The following TMEM177 variants were observed in gnomAD, a reference collection of about 807,000 sequenced individuals.
TMEM177 encodes the protein transmembrane protein 177.
Under a neutral mutation model 14.2 loss-of-function variants are expected in TMEM177, and 4 were observed. The observed-to-expected ratio is 0.28, with a 90% CI of 0.14 to 0.64. The LOEUF is 0.64. TMEM177 is among the 30% of genes least tolerant of loss of function. The pLI is 0.82. For missense variants in TMEM177, 344 were observed against 405.2 expected (o/e 0.85, Z 1.30); for synonymous variants, 179 against 174.5 (o/e 1.03, Z -0.20).
rs553866466 is a variant in TMEM177 at position 119,679,908 on chromosome 2, T to TA, written c.-23+633dup. On this transcript the variant is annotated intron_variant, in intron 1 of 1. Coordinates refer to ENST00000272521, the MANE Select transcript of TMEM177 (RefSeq NM_030577.3). ...GCTTGCTAGAGCTGCCATGCCGAAG[T>TA]ACCGGAGACTGGGTGGCCCAACCAG... is the stretch of plus-strand genomic sequence containing the variant. Among the ~76,000 whole-genome samples the TA allele has an allele frequency of 3.5e-3, 537 of 152,352 alleles. 3 individuals are homozygous for TA. The highest frequency in any genetic ancestry group is 0.012 in the African/African-American group (483 of 41,582).
At chr2:119,709,291 T>C in the TMEM177 span, among the ~76,000 whole-genome samples, 2 of 152,196 alleles carry the variant, frequency 1.3e-5, no homozygotes, top group African/African-American at 4.8e-5. Context: ...TTACTGAAAG[T>C]TAATAATTGG....
the TMEM177 span, among the ~76,000 whole-genome samples, chr2:119,701,278 G>A: frequency 2.6e-5 from 4 of 152,224 alleles, no homozygotes; most frequent in Admixed American, 2.6e-4. Flanking sequence ...AGTTACTTGG[G>A]CTTGGACAAA....
At chr2:119,699,880 C>G in the TMEM177 span, 1 of 435,732 alleles carries the variant, frequency 2.3e-6, no homozygotes, top group Non-Finnish European at 4.6e-6. Flanking sequence ...GTTTTTGTTG[C>G]ACTAGCTTAA....
At chr2:119,690,400 T>G (rs1178161735), downstream of TMEM177, among the ~76,000 whole-genome samples, 1 of 152,182 alleles carries the variant, frequency 6.6e-6, no homozygotes, top group African/African-American at 2.4e-5. Flanking sequence ...CCTCTTTTAT[T>G]TATAAATTTA....
the TMEM177 span, among the ~76,000 whole-genome samples, chr2:119,711,693 C>T: frequency 5.3e-5 from 8 of 152,158 alleles, no homozygotes; most frequent in Non-Finnish European, 1.2e-4. Flanking sequence ...CCGCACTGAA[C>T]ACAGCAAGAC....
chr2:119,694,684 G>T, the TMEM177 span, among the ~76,000 whole-genome samples: 5 of 152,274 alleles, frequency 3.3e-5, no homozygotes, highest in Non-Finnish European at 7.3e-5. Context: ...AAGCATTTGA[G>T]AGCCAAGGTG....
At chr2:119,697,471 C>T in the TMEM177 span, among the ~76,000 whole-genome samples, 3 of 152,160 alleles carry the variant, frequency 2.0e-5, no homozygotes, top group Non-Finnish European at 4.4e-5. Flanking sequence ...ATCACTTGAA[C>T]CTAGGAGGCG....
chr2:119,685,606 T>C, downstream of TMEM177: 2 of 715,114 alleles, frequency 2.8e-6, no homozygotes, highest in South Asian at 3.0e-5. Flanking sequence ...ATTTTCTCAT[T>C]TATTCCCAAT....
chr2:119,685,479 C>T (rs1688998560), downstream of TMEM177, among the ~76,000 whole-genome samples: 1 of 137,540 alleles, frequency 7.3e-6, no homozygotes, highest in South Asian at 2.3e-4. Flanking sequence ...AGTTCCAGAT[C>T]AATGCATGGG....
the TMEM177 span, among the ~76,000 whole-genome samples, chr2:119,707,642 A>C: frequency 6.6e-6 from 1 of 152,204 alleles, no homozygotes; most frequent in African/African-American, 2.4e-5. Flanking sequence ...AGAGGCCTCC[A>C]TGGCAAGCTT....
downstream of TMEM177, among the ~76,000 whole-genome samples, chr2:119,688,345 G>C (rs537013954): frequency 7.9e-5 from 12 of 152,198 alleles, no homozygotes; most frequent in East Asian, 2.3e-3. Context: ...ATATATTTAC[G>C]GTCACGCATC....
At chr2:119,688,800 G>A (rs375302604), downstream of TMEM177, among the ~76,000 whole-genome samples, 128 of 152,254 alleles carry the variant, frequency 8.4e-4, no homozygotes, top group South Asian at 3.7e-3. Context: ...TCTGTCTGTC[G>A]GTTACTGTGG....
the TMEM177 span, among the ~76,000 whole-genome samples, chr2:119,691,666 C>T: frequency 6.6e-6 from 1 of 152,172 alleles, no homozygotes; most frequent in African/African-American, 2.4e-5. Flanking sequence ...GGACACATGA[C>T]CTGTGTGAGA....
At chr2:119,719,786 A>G in the TMEM177 span, among the ~76,000 whole-genome samples, 20 of 152,114 alleles carry the variant, frequency 1.3e-4, no homozygotes, top group Admixed American at 1.3e-4. Context: ...CAATCTCAGT[A>G]GTCAAGATTT....
At position 119,681,891 on chromosome 2, in the gene TMEM177, A is replaced by G; in HGVS notation, c.*102A>G. The G allele has an allele frequency of 9.6e-7, 1 of 1,046,298 alleles. No homozygotes were observed. Among genetic ancestry groups the G allele is most frequent in the Admixed American group, 2.4e-5 (1 of 42,140 alleles). 64.8% of individuals were successfully genotyped at this position (1,046,298 alleles called of 1,614,324 possible). On this transcript the variant is annotated 3_prime_UTR_variant, in exon 2 of 2. Coordinates refer to ENST00000272521, the MANE Select transcript of TMEM177 (RefSeq NM_030577.3). ...TTTGGACCTATAGCTCACGGCCAGA[A>G]AAATCACTGGCTTTGGAATTAAATA...
the TMEM177 span, among the ~76,000 whole-genome samples, chr2:119,722,770 G>T: frequency 6.6e-6 from 1 of 152,234 alleles, no homozygotes; most frequent in Non-Finnish European, 1.5e-5. Flanking sequence ...GGGGGTGAGT[G>T]CAGTGCTTGC....
chr2:119,711,472 C>G, the TMEM177 span, among the ~76,000 whole-genome samples: 2 of 152,124 alleles, frequency 1.3e-5, no homozygotes, highest in African/African-American at 4.8e-5. Context: ...GTCAATAAAA[C>G]GAGGAAGAGA....
intron 1 of TMEM177, 83 bp downstream of exon 1, chr2:119,679,359 C>T (rs1008149348): frequency 2.6e-5 from 4 of 152,316 alleles, no homozygotes; most frequent in Non-Finnish European, 5.9e-5. Context: ...CCTGCAGCCC[C>T]TCCTCCCCCA....
chr2:119,699,305 T>C, the TMEM177 span, among the ~76,000 whole-genome samples: 1 of 152,054 alleles, frequency 6.6e-6, no homozygotes, highest in Non-Finnish European at 1.5e-5. Context: ...AAGAGCCCCT[T>C]ATAAAACGAT....
Sources: allele counts gnomAD v4.1 joint callset (sites outside exome capture counted in the v4.1 genomes callset), GRCh38; gene constraint gnomAD v4.1.1; transcripts MANE v1.5; gene names NCBI Gene and HGNC (gene_info 2026-07-23, HGNC 2026-07-21).